The following MAPRE2 variants were observed in gnomAD, a reference collection of about 807,000 sequenced individuals.
The protein encoded by MAPRE2 is microtubule associated protein RP/EB family member 2.
In MAPRE2, 13 loss-of-function variants were observed where a neutral mutation model predicts 43.2. The observed-to-expected ratio is 0.30, with a 90% confidence interval of 0.20 to 0.48. The LOEUF (loss-of-function observed/expected upper bound fraction) is 0.48, where lower values mean the gene tolerates loss of function less well. Among genes scored for constraint, MAPRE2 ranks in the 20% least tolerant of loss-of-function variants. The pLI is 0.99. For synonymous variants in MAPRE2, 135 were observed against 148.8 expected, an observed-to-expected ratio of 0.91 and a Z score of 0.68; for missense variants, 161 against 400.2, an observed-to-expected ratio of 0.40 and a Z score of 5.10.
chr18:35,136,884 C>T (rs981593389), intron 6 of MAPRE2, among the ~76,000 whole-genome samples: 4 of 152,168 alleles, frequency 2.6e-5, no homozygotes, highest in African/African-American at 4.8e-5. Flanking sequence ...CACAGCTCAA[C>T]GGAAAGATGT....
intron 1 of MAPRE2, among the ~76,000 whole-genome samples, chr18:34,985,473 T>C (rs1288332613): frequency 2.2e-5 from 1 of 44,622 alleles, no homozygotes; most frequent in East Asian, 8.1e-4. Context: ...TATTATATAA[T>C]ATATAATATA....
intron 3 of MAPRE2, among the ~76,000 whole-genome samples, chr18:35,100,554 G>A (rs1025514068): frequency 6.6e-6 from 1 of 152,136 alleles, no homozygotes; most frequent in African/African-American, 2.4e-5. Flanking sequence ...CAAAGACATG[G>A]AATCAACCTA....
intron 1 of MAPRE2, among the ~76,000 whole-genome samples, chr18:35,047,162 TC>T (rs745702633): frequency 1.3e-5 from 2 of 152,220 alleles, no homozygotes; most frequent in African/African-American, 2.4e-5. Context: ...TGTGTTTACT[TC>T]TTATTTTAGT....
In MAPRE2 at chr18:35,014,669, G is replaced by A. The variant is rs530806177; in HGVS notation, c.-8+9116G>A. Among the ~76,000 whole-genome samples the A allele has an allele frequency of 2.0e-5, 3 of 152,094 alleles. No individual in the cohort carries two copies. The East Asian group carries it at 5.8e-4, about 29-fold the overall frequency. On this transcript the variant is annotated intron_variant, in intron 2 of 7. Coordinates refer to the MAPRE2 transcript ENST00000413393. ...TCTCCAGGGCCCTCTGTTGACTACA[G>A]AGATTATTGGGGACCAACCTTAATT...
chr18:35,056,991 T>C (rs1056421929), intron 1 of MAPRE2, among the ~76,000 whole-genome samples: 1 of 152,160 alleles, frequency 6.6e-6, no homozygotes. Context: ...GGTCTTACCA[T>C]GTATCTGCCC....
chr18:35,043,900 A>C (rs1318145106), intron 1 of MAPRE2, among the ~76,000 whole-genome samples: 1 of 152,214 alleles, frequency 6.6e-6, no homozygotes, highest in Non-Finnish European at 1.5e-5. Flanking sequence ...AAAAGGAAAA[A>C]TGTGACACAT....
chr18:35,141,747 T>G lies in MAPRE2; in HGVS notation c.*1378T>G, dbSNP rs1910655060. ...CCTTGGTTTCTAACTTTAGGTTTAC[T>G]TTCACTTGTTATTTGACTTAGCAGG... On this transcript the variant is annotated 3_prime_UTR_variant, in exon 7 of 7. Transcript: ENST00000300249. 1 of 152,230 alleles carries G rather than the reference T, an allele frequency of 6.6e-6. No individual in the cohort carries two copies. The highest frequency in any genetic ancestry group is 1.5e-5 in the Non-Finnish European group (1 of 68,038). The allele number at this position is 152,230 out of a possible 1,614,324, so 9.4% of individuals were successfully genotyped here.
chr18:35,128,856 T>C (rs960639585), intron 5 of MAPRE2, among the ~76,000 whole-genome samples: 2 of 152,136 alleles, frequency 1.3e-5, no homozygotes, highest in African/African-American at 2.4e-5. Flanking sequence ...GTGGAAACCT[T>C]GAGGTTCTCT....
intron 1 of MAPRE2, among the ~76,000 whole-genome samples, chr18:34,986,608 G>C (rs1555909619): frequency 6.6e-6 from 1 of 152,128 alleles, no homozygotes; most frequent in Non-Finnish European, 1.5e-5. Flanking sequence ...CCACAAATTA[G>C]CAGCAGTAAT....
intron 1 of MAPRE2, among the ~76,000 whole-genome samples, chr18:35,051,776 G>A (rs1354245818): frequency 1.4e-4 from 22 of 152,092 alleles, no homozygotes; most frequent in South Asian, 2.1e-4. Context: ...TTTTCTTACC[G>A]TGCATATGGA....
At chr18:35,066,127 C>G (rs1312883004) in intron 1 of MAPRE2, among the ~76,000 whole-genome samples, 1 of 152,198 alleles carries the variant, frequency 6.6e-6, no homozygotes, top group Non-Finnish European at 1.5e-5. Flanking sequence ...AACCATTTAT[C>G]TTTCTTGACT....
chr18:35,044,866 A>G (rs1905542834), intron 1 of MAPRE2, among the ~76,000 whole-genome samples: 1 of 152,176 alleles, frequency 6.6e-6, no homozygotes, highest in Non-Finnish European at 1.5e-5. Context: ...AGTATGTCAA[A>G]TTTGGTTCCT....
At chr18:35,041,682 G>C (rs371956869) in intron 1 of MAPRE2, 21 bp downstream of exon 1, 210 of 1,613,894 alleles carry the variant, frequency 1.3e-4, no homozygotes, top group Non-Finnish European at 1.7e-4. Flanking sequence ...TGGCACGAGA[G>C]CAGCGCCGGG....
chr18:35,025,260 C>A lies in MAPRE2; in HGVS notation c.-8+19707C>A, dbSNP rs191726742. ...TACCCAGAGTTGAGTGTTTTGCGTGCAGAATGTGAAGCTGCTGTTCAGCCT... is the reference window on the plus strand; with the variant it reads ...TACCCAGAGTTGAGTGTTTTGCGTGAAGAATGTGAAGCTGCTGTTCAGCCT... On this transcript the variant is annotated intron_variant, in intron 2 of 7. Transcript: ENST00000413393. Among the ~76,000 whole-genome samples the A allele has an allele frequency of 4.6e-3, 704 of 152,288 alleles. 22 individuals are homozygous for A. The highest frequency in any genetic ancestry group is 0.042 in the Admixed American group (648 of 15,292).
chr18:35,112,224 C>T (rs1427145642), intron 4 of MAPRE2, among the ~76,000 whole-genome samples: 1 of 150,376 alleles, frequency 6.6e-6, no homozygotes, highest in African/African-American at 2.5e-5. Context: ...ACTGTTATTG[C>T]CCAGGCTGGA....
chr18:35,084,720 A>C (rs919657974), intron 2 of MAPRE2, among the ~76,000 whole-genome samples: 1 of 152,212 alleles, frequency 6.6e-6, no homozygotes, highest in African/African-American at 2.4e-5. Flanking sequence ...TTTCCTCTAC[A>C]TGGGATCAGT....
upstream of MAPRE2, among the ~76,000 whole-genome samples, chr18:35,038,753 T>G (rs2097051975): frequency 6.6e-6 from 1 of 152,194 alleles, no homozygotes; most frequent in Non-Finnish European, 1.5e-5. Context: ...ACCTGATTTA[T>G]GAGGAGAGGA....
chr18:35,117,581 G>A (rs980221516), intron 4 of MAPRE2, among the ~76,000 whole-genome samples: 7 of 152,274 alleles, frequency 4.6e-5, no homozygotes, highest in South Asian at 4.1e-4. Context: ...CCTGTGTGTC[G>A]TCTGCCCAGT....
intron 2 of MAPRE2, among the ~76,000 whole-genome samples, chr18:35,017,900 C>G (rs763434852): frequency 5.3e-5 from 8 of 151,666 alleles, no homozygotes; most frequent in Non-Finnish European, 1.2e-4. Flanking sequence ...TTGTCTTGTT[C>G]CAGTTCTCAA....
Sources: allele counts gnomAD v4.1 joint callset (sites outside exome capture counted in the v4.1 genomes callset), GRCh38; gene constraint gnomAD v4.1.1; transcripts MANE v1.5; gene names NCBI Gene and HGNC (gene_info 2026-07-23, HGNC 2026-07-21).